Variants in SENP7 observed in about 807,000 individuals in gnomAD.
SENP7 encodes SUMO specific peptidase 7, also known as sentrin-specific protease 7.
Under a neutral mutation model 141.2 loss-of-function variants are expected in SENP7, and 64 were observed. The observed-to-expected ratio is 0.45, with a 90% CI of 0.37 to 0.56. The LOEUF is 0.56. SENP7 is among the 20% of genes least tolerant of loss of function. The pLI, the probability that SENP7 is intolerant of heterozygous loss-of-function variation, is 0.00. For synonymous variants in SENP7, 382 were observed against 426.4 expected, an observed-to-expected ratio of 0.90 and a Z score of 1.28; for missense variants, 1,025 against 1,212.2, an observed-to-expected ratio of 0.85 and a Z score of 2.29.
At chr3:101,396,242 T>C (rs2107566499) in intron 6 of SENP7, among the ~76,000 whole-genome samples, 1 of 152,336 alleles carries the variant, frequency 6.6e-6, no homozygotes, top group East Asian at 1.9e-4. Context: ...CTGAATAGTT[T>C]TGGGGAATGA....
chr3:101,328,646 C>T lies in SENP7; in HGVS notation c.2795G>A (p.Arg932Lys). The T allele has an allele frequency of 6.2e-7, 1 of 1,608,570 alleles. No homozygotes were observed. Among genetic ancestry groups the T allele is most frequent in the Non-Finnish European group, 8.5e-7 (1 of 1,176,564 alleles). Residue 932 changes from arginine (R) to lysine (K), a missense_variant and splice_region_variant, in exon 21 of 24, where the codon AGG (arginine) becomes AAG (lysine). This residue lies in a region of SENP7 where 295 missense variants were observed against 459.1 expected (regional missense o/e 0.64). Coordinates refer to ENST00000394095, the MANE Select transcript of SENP7 (RefSeq NM_020654.5). Reference sequence around the variant, plus strand: ...TATTATTATTACAGCATGTACCTACCTTTTACACATTTTCTTTGGTACTGA... The same window carrying T: ...TATTATTATTACAGCATGTACCTACTTTTTACACATTTTCTTTGGTACTGA... ...NMSVPKKMCK[R>K]PCILILDSLK...
At chr3:101,398,225 T>G (rs1206579204) in intron 6 of SENP7, among the ~76,000 whole-genome samples, 2 of 152,204 alleles carry the variant, frequency 1.3e-5, no homozygotes, top group African/African-American at 4.8e-5. Context: ...TTTGGGAGGC[T>G]GAAGCAGGCA....
intron 4 of SENP7, among the ~76,000 whole-genome samples, chr3:101,422,632 C>T (rs1255014870): frequency 2.0e-5 from 3 of 152,038 alleles, no homozygotes; most frequent in Admixed American, 6.5e-5. Flanking sequence ...ATAAAGTGTT[C>T]CTTTGAAAGC....
In SENP7 at chr3:101,451,190, C is replaced by A. The variant is rs147207962; in HGVS notation, c.284+7765G>T. ...GGAAGAAGTTGAATCTCTGAATAGACCAATAACAGGTTCTGAAATTGAGGC... is the reference window on the plus strand; with the variant it reads ...GGAAGAAGTTGAATCTCTGAATAGAACAATAACAGGTTCTGAAATTGAGGC... On this transcript the variant is annotated intron_variant, in intron 4 of 23. Transcript: ENST00000394095. Among the ~76,000 whole-genome samples, 1,402 of 152,258 alleles carry A rather than the reference C, an allele frequency of 9.2e-3. 10 individuals are homozygous for A. Among genetic ancestry groups the A allele is most frequent in the Middle Eastern group, 0.02 (6 of 294 alleles).
At chr3:101,482,140 C>A (rs1361830725) in intron 3 of SENP7, among the ~76,000 whole-genome samples, 1 of 151,836 alleles carries the variant, frequency 6.6e-6, no homozygotes, top group Non-Finnish European at 1.5e-5. Flanking sequence ...GAAACCCTGT[C>A]TCTACTAAAA....
intron 5 of SENP7, among the ~76,000 whole-genome samples, chr3:101,416,546 G>A (rs1486152235): frequency 6.6e-6 from 1 of 152,290 alleles, no homozygotes; most frequent in South Asian, 2.1e-4. Flanking sequence ...CATAGAATGA[G>A]AGCAAGCTGC....
chr3:101,329,945 C>A (rs1478408982), intron 20 of SENP7, among the ~76,000 whole-genome samples: 2 of 146,046 alleles, frequency 1.4e-5, no homozygotes, highest in African/African-American at 2.5e-5. Flanking sequence ...TCAGCAAGAC[C>A]CCATCACAAA....
intron 7 of SENP7, among the ~76,000 whole-genome samples, chr3:101,371,520 T>C (rs1019177500): frequency 3.3e-5 from 5 of 152,194 alleles, no homozygotes; most frequent in African/African-American, 4.8e-5. Flanking sequence ...AAATCCTATA[T>C]GCAAGGAGGC....
At chr3:101,359,329 T>C (rs1403266365) in intron 11 of SENP7, 1 of 151,446 alleles carries the variant, frequency 6.6e-6, no homozygotes, top group Non-Finnish European at 1.5e-5. Flanking sequence ...TGAAGTTGTT[T>C]ATCAGCTGAA....
intron 3 of SENP7, among the ~76,000 whole-genome samples, chr3:101,467,121 T>C (rs2063787739): frequency 6.6e-6 from 1 of 152,192 alleles, no homozygotes; most frequent in Non-Finnish European, 1.5e-5. Flanking sequence ...GACGGCAGCC[T>C]GGCTGGGGGA....
chr3:101,501,347 TATATATAA>T (rs2108159191), intron 1 of SENP7, among the ~76,000 whole-genome samples: 1 of 150,426 alleles, frequency 6.6e-6, no homozygotes, highest in East Asian at 1.9e-4. Context: ...AAAATATTTA[TATATATAA>T]ATATATATAT....
intron 19 of SENP7, 122 bp downstream of exon 19, chr3:101,331,863 T>C (rs1440722357): frequency 7.5e-6 from 7 of 934,968 alleles, no homozygotes; most frequent in Non-Finnish European, 1.1e-5. Flanking sequence ...TTTTTATTCA[T>C]CCTGTTAAAG....
chr3:101,409,849 G>GA (rs2061404654), intron 5 of SENP7, among the ~76,000 whole-genome samples: 1 of 152,100 alleles, frequency 6.6e-6, no homozygotes, highest in Admixed American at 6.5e-5. Flanking sequence ...GATGACATTG[G>GA]AAAAACCCTT....
intron 17 of SENP7, among the ~76,000 whole-genome samples, chr3:101,336,525 T>C (rs935917065): frequency 6.6e-6 from 1 of 152,190 alleles, no homozygotes; most frequent in Non-Finnish European, 1.5e-5. Flanking sequence ...GACTGCTTCC[T>C]CATATGAAAA....
chr3:101,354,735 T>C (rs1375551860), intron 11 of SENP7, among the ~76,000 whole-genome samples: 1 of 152,132 alleles, frequency 6.6e-6, no homozygotes, highest in African/African-American at 2.4e-5. Flanking sequence ...ATGACTTATA[T>C]TTGTCTGGGT....
intron 9 of SENP7, 66 bp from the exon 10 acceptor site, chr3:101,365,057 C>G: frequency 9.2e-7 from 1 of 1,092,112 alleles, no homozygotes; most frequent in Non-Finnish European, 1.2e-6. Context: ...TTTTGAGACA[C>G]AGTCTCCCCA....
chr3:101,417,884 T>TGG lies in SENP7; in HGVS notation c.285-95_285-94insCC, dbSNP rs2061673555. ...CTAATATCTCCAGAAACTGTAAACT[T>TGG]CAGTTCCTCAAGCAACTATAGTAAA... On this transcript the variant is annotated intron_variant, in intron 4 of 23. Coordinates refer to ENST00000394095, the MANE Select transcript of SENP7 (RefSeq NM_020654.5). The TGG allele has an allele frequency of 4.1e-6, 4 of 979,908 alleles. No homozygotes were observed. The East Asian group carries it at 1.0e-4, about 25-fold the overall frequency. 60.7% of individuals were successfully genotyped at this position (979,908 alleles called of 1,614,324 possible).
At chr3:101,408,205 G>A (rs2061357976) in intron 5 of SENP7, among the ~76,000 whole-genome samples, 1 of 152,012 alleles carries the variant, frequency 6.6e-6, no homozygotes, top group Admixed American at 6.6e-5. Flanking sequence ...TTCCTGGAAA[G>A]ATAGAACCCT....
intron 11 of SENP7, among the ~76,000 whole-genome samples, chr3:101,352,516 T>C (rs2059638161): frequency 6.6e-6 from 1 of 152,008 alleles, no homozygotes; most frequent in Non-Finnish European, 1.5e-5. Context: ...TAGGTACCTT[T>C]TGTATATATC....
Sources: allele counts gnomAD v4.1 joint callset (sites outside exome capture counted in the v4.1 genomes callset), GRCh38; gene constraint gnomAD v4.1.1; regional missense constraint gnomAD v4.1.1; transcripts MANE v1.5; gene names NCBI Gene and HGNC (gene_info 2026-07-23, HGNC 2026-07-21).